TLK1: variants seen among roughly 807,000 people sequenced by gnomAD.
TLK1 encodes tousled like kinase 1.
Under a neutral mutation model 105.3 loss-of-function variants are expected in TLK1, and 24 were observed. The observed-to-expected ratio is 0.23, with a 90% CI of 0.17 to 0.32. The LOEUF (loss-of-function observed/expected upper bound fraction) is 0.32. Ranked by LOEUF, TLK1 falls within the 10% of genes least tolerant of loss-of-function variation. TLK1 has a pLI of 1.00. For missense variants in TLK1, 558 were observed against 910.5 expected, an observed-to-expected ratio of 0.61 and a Z score of 4.98; for synonymous variants, 321 against 310.4, an observed-to-expected ratio of 1.03 and a Z score of -0.36.
intron 2 of TLK1, among the ~76,000 whole-genome samples, chr2:171,112,332 T>C (rs1346059872): frequency 6.6e-6 from 1 of 152,244 alleles, no homozygotes; most frequent in Non-Finnish European, 1.5e-5. Flanking sequence ...TTTAAGAATC[T>C]ATTAAATTAT....
chr2:171,073,868 A>T, intron 3 of TLK1, among the ~76,000 whole-genome samples: 1 of 99,096 alleles, frequency 1.0e-5, no homozygotes, highest in African/African-American at 3.0e-5. Context: ...AATAAACTTA[A>T]CATTCCCCCC....
chr2:171,023,132 T>C, intron 12 of TLK1: 1 of 471,074 alleles, frequency 2.1e-6, no homozygotes. Flanking sequence ...TGTTATCTCT[T>C]CAGAACGGAG....
chr2:171,010,625 C>CAAAAAAAAAAAAAAA (rs77995237), intron 14 of TLK1, among the ~76,000 whole-genome samples: 1 of 94,474 alleles, frequency 1.1e-5, no homozygotes, highest in Admixed American at 1.1e-4. Flanking sequence ...ACATAAAGTA[C>CAAAAAAAAAAAAAAA]AAAAAAAAAA....
intron 1 of TLK1, among the ~76,000 whole-genome samples, chr2:171,177,595 A>G (rs910086970): frequency 6.6e-6 from 1 of 152,228 alleles, no homozygotes; most frequent in Non-Finnish European, 1.5e-5. Flanking sequence ...AGAACTGGTC[A>G]TCAAAGATAT....
chr2:171,062,773 T>C (rs1388578855), intron 3 of TLK1, among the ~76,000 whole-genome samples: 2 of 152,230 alleles, frequency 1.3e-5, no homozygotes, highest in Non-Finnish European at 2.9e-5. Flanking sequence ...ATGAATCTAC[T>C]ATACAAAAAT....
chr2:171,011,577 T>C (rs1684919082), intron 13 of TLK1, 123 bp from the exon 14 acceptor site: 1 of 740,712 alleles, frequency 1.4e-6, no homozygotes, highest in African/African-American at 1.8e-5. Flanking sequence ...CACTGCTAAT[T>C]TCAAATTTCA....
intron 4 of TLK1, chr2:171,059,993 A>G: frequency 6.2e-7 from 1 of 1,612,588 alleles, no homozygotes; most frequent in Non-Finnish European, 8.5e-7. Context: ...AACCCTGCAG[A>G]AGATGAGAGG....
intron 1 of TLK1, among the ~76,000 whole-genome samples, chr2:171,156,389 T>C (rs1692233722): frequency 6.6e-6 from 1 of 152,260 alleles, no homozygotes; most frequent in Non-Finnish European, 1.5e-5. Context: ...ATAAATATAT[T>C]TGAAATTGTC....
At chr2:171,056,949 A>C (rs1023226767) in intron 5 of TLK1, among the ~76,000 whole-genome samples, 10 of 152,022 alleles carry the variant, frequency 6.6e-5, no homozygotes, top group Non-Finnish European at 1.5e-4. Context: ...AGAAATTTCA[A>C]AATGTTTACC....
intron 1 of TLK1, among the ~76,000 whole-genome samples, chr2:171,167,028 A>G (rs1692621946): frequency 6.6e-6 from 1 of 152,236 alleles, no homozygotes; most frequent in South Asian, 2.1e-4. Flanking sequence ...TTAAACTACA[A>G]GGAAAAAAAT....
intron 12 of TLK1, among the ~76,000 whole-genome samples, chr2:171,019,073 GTT>G (rs1178132957): frequency 2.0e-5 from 3 of 151,748 alleles, no homozygotes; most frequent in Non-Finnish European, 4.4e-5. Context: ...CTGTCTCATT[GTT>G]TAAGTAACTT....
At chr2:171,138,922 A>C (rs1255820642) in intron 1 of TLK1, among the ~76,000 whole-genome samples, 2 of 152,234 alleles carry the variant, frequency 1.3e-5, no homozygotes, top group African/African-American at 4.8e-5. Flanking sequence ...ATAATCAATA[A>C]ATTGAAACAG....
chr2:171,184,591 G>A (rs1169359672), intron 1 of TLK1, among the ~76,000 whole-genome samples: 1 of 144,996 alleles, frequency 6.9e-6, no homozygotes, highest in African/African-American at 2.6e-5. Context: ...GCGGTGAGCA[G>A]AGATCACGCC....
intron 13 of TLK1, among the ~76,000 whole-genome samples, chr2:171,014,117 T>C (rs1685058894): frequency 1.3e-5 from 2 of 152,198 alleles, no homozygotes; most frequent in African/African-American, 4.8e-5. Flanking sequence ...AAATAATTTC[T>C]CCTTCACTAC....
At chr2:171,053,725 A>C in intron 8 of TLK1, 36 bp downstream of exon 8, 2 of 1,474,212 alleles carry the variant, frequency 1.4e-6, no homozygotes, top group African/African-American at 2.9e-5. Context: ...CAAATAATTT[A>C]TTCAATTTTT....
intron 14 of TLK1, among the ~76,000 whole-genome samples, chr2:171,008,722 C>T (rs908175324): frequency 1.3e-4 from 19 of 151,950 alleles, no homozygotes; most frequent in African/African-American, 4.4e-4. Context: ...CATGAAAGGG[C>T]TTTAAAGGGC....
chr2:171,065,541 C>CTT (rs34975890), intron 3 of TLK1, among the ~76,000 whole-genome samples: 13 of 140,294 alleles, frequency 9.3e-5, no homozygotes, highest in African/African-American at 1.8e-4. Flanking sequence ...GCTATTCTTT[C>CTT]TTTTTTTTTT....
chr2:171,089,888 T>C (rs1278526151), intron 2 of TLK1, among the ~76,000 whole-genome samples: 1 of 152,192 alleles, frequency 6.6e-6, no homozygotes, highest in Non-Finnish European at 1.5e-5. Context: ...AGTAGTATAA[T>C]TCTCCCAGCT....
intron 1 of TLK1, among the ~76,000 whole-genome samples, chr2:171,128,926 T>C (rs1410964509): frequency 6.6e-6 from 1 of 152,108 alleles, no homozygotes; most frequent in Non-Finnish European, 1.5e-5. Flanking sequence ...TCCACTCAAC[T>C]AAGCATCTCT....
Sources: allele counts gnomAD v4.1 joint callset (sites outside exome capture counted in the v4.1 genomes callset), GRCh38; gene constraint gnomAD v4.1.1; transcripts MANE v1.5; gene names NCBI Gene and HGNC (gene_info 2026-07-23, HGNC 2026-07-21).